The following JADE3 variants were observed in gnomAD, a reference collection of about 807,000 sequenced individuals.
The protein encoded by JADE3 is jade family PHD finger 3.
In JADE3, 2 loss-of-function variants were observed where a neutral mutation model predicts 50.1. The observed-to-expected ratio is 0.04, with a 90% CI of 0.02 to 0.13. The LOEUF (loss-of-function observed/expected upper bound fraction) is 0.13. JADE3 is among the 10% of genes least tolerant of loss of function. JADE3 has a pLI of 1.00. For synonymous variants in JADE3, 218 were observed against 232.9 expected, an observed-to-expected ratio of 0.94 and a Z score of 0.58; for missense variants, 475 against 634.4, an observed-to-expected ratio of 0.75 and a Z score of 2.70.
intron 8 of JADE3, among the ~76,000 whole-genome samples, chrX:47,051,487 T>C (rs1346983890): frequency 8.9e-6 from 1 of 112,299 alleles, no homozygotes; most frequent in Non-Finnish European, 1.9e-5. Flanking sequence ...ATAGATGCAC[T>C]CATGCATTTT....
chrX:46,993,874 T>A (rs1374385126), intron 3 of JADE3, among the ~76,000 whole-genome samples: 1 of 111,944 alleles, frequency 8.9e-6, no homozygotes, highest in African/African-American at 3.2e-5. Flanking sequence ...ACCTGACAAC[T>A]TTTTTTGCCT....
chrX:46,989,177 AT>A (rs1356689476), intron 3 of JADE3, among the ~76,000 whole-genome samples: 1 of 111,861 alleles, frequency 8.9e-6, no homozygotes, highest in Non-Finnish European at 1.9e-5. Flanking sequence ...TTTATGCCCT[AT>A]TTCTGATAGC....
At chrX:46,916,034 AG>A (rs1219526472) in intron 1 of JADE3, among the ~76,000 whole-genome samples, 6 of 111,943 alleles carry the variant, frequency 5.4e-5, no homozygotes, top group African/African-American at 1.9e-4. Context: ...AGGAAACCCA[AG>A]CCTAGAATGT....
chrX:46,980,748 C>G (rs1289432241), intron 1 of JADE3, among the ~76,000 whole-genome samples: 1 of 111,508 alleles, frequency 9.0e-6, no homozygotes, highest in Non-Finnish European at 1.9e-5. Context: ...TCATTTAAGT[C>G]TGTGATCCAT....
At chrX:47,021,359 T>C (rs782041601) in intron 4 of JADE3, among the ~76,000 whole-genome samples, 58 of 111,796 alleles carry the variant, frequency 5.2e-4, no homozygotes, top group African/African-American at 1.7e-3. Flanking sequence ...GCTCTTGATA[T>C]ATATTTGGGT....
chrX:47,037,589 A>G (rs1929162114), intron 7 of JADE3, among the ~76,000 whole-genome samples: 1 of 112,042 alleles, frequency 8.9e-6, no homozygotes, highest in Non-Finnish European at 1.9e-5. Flanking sequence ...GTTCAAGACC[A>G]GCCTGAGGTA....
intron 1 of JADE3, among the ~76,000 whole-genome samples, chrX:46,921,822 G>A (rs1412455003): frequency 9.1e-6 from 1 of 110,306 alleles, no homozygotes; most frequent in East Asian, 2.8e-4. Flanking sequence ...ACTTTTGAAA[G>A]GACACTTTTG....
At chrX:46,995,543 C>A (rs1928109759) in intron 3 of JADE3, among the ~76,000 whole-genome samples, 2 of 111,505 alleles carry the variant, frequency 1.8e-5, no homozygotes, top group Non-Finnish European at 3.8e-5. Flanking sequence ...AAAATATATA[C>A]AAATATGTAT....
chrX:46,977,690 C>T (rs1312483946), intron 1 of JADE3, among the ~76,000 whole-genome samples: 1 of 111,895 alleles, frequency 8.9e-6, no homozygotes, highest in Non-Finnish European at 1.9e-5. Flanking sequence ...TTCAAATGCA[C>T]ATGATTTATT....
chrX:46,985,360 A>G (rs992870581), intron 2 of JADE3, among the ~76,000 whole-genome samples: 1 of 112,305 alleles, frequency 8.9e-6, no homozygotes, highest in Non-Finnish European at 1.9e-5. Context: ...GGATACACAG[A>G]TTACTTGCTC....
At chrX:47,024,989 GT>G in intron 5 of JADE3, 75 bp downstream of exon 5, 1 of 509,391 alleles carries the variant, frequency 2.0e-6, no homozygotes, top group Non-Finnish European at 3.1e-6. Context: ...CCTTTAGCTT[GT>G]TTTTATTTTT....
intron 1 of JADE3, among the ~76,000 whole-genome samples, chrX:46,971,884 C>G (rs1289496389): frequency 9.1e-6 from 1 of 109,458 alleles, no homozygotes; most frequent in African/African-American, 3.3e-5. Flanking sequence ...TAGAGTTGAC[C>G]ACCGAGTGAG....
At chrX:47,003,711 A>T (rs1928343451) in intron 4 of JADE3, among the ~76,000 whole-genome samples, 1 of 100,296 alleles carries the variant, frequency 1.0e-5, no homozygotes, top group African/African-American at 3.6e-5. Context: ...TGTATATATA[A>T]AAATTACAAA....
chrX:47,005,881 T>C (rs1928402898), intron 4 of JADE3, among the ~76,000 whole-genome samples: 1 of 111,769 alleles, frequency 8.9e-6, no homozygotes, highest in Non-Finnish European at 1.9e-5. Flanking sequence ...CTAGGTCTTA[T>C]ACAACCACCT....
At chrX:47,057,174 C>T (rs1929647177) in intron 10 of JADE3, among the ~76,000 whole-genome samples, 1 of 111,544 alleles carries the variant, frequency 9.0e-6, no homozygotes. Context: ...GAGTCAACCT[C>T]ATTATGACTT....
intron 4 of JADE3, among the ~76,000 whole-genome samples, chrX:47,021,032 T>G (rs1022849219): frequency 1.0e-4 from 11 of 110,283 alleles, no homozygotes; most frequent in Non-Finnish European, 2.1e-4. Context: ...CAGGATCACT[T>G]GAGCCCAGGA....
chrX:46,998,009 T>TTC (rs1928172338), intron 3 of JADE3, 111 bp from the exon 4 acceptor site: 3 of 593,858 alleles, frequency 5.1e-6, no homozygotes, highest in African/African-American at 2.3e-5. Flanking sequence ...TTAGAGATGT[T>TTC]TCTCTTGTTG....
At chrX:46,989,426 G>C (rs1266280955) in intron 3 of JADE3, among the ~76,000 whole-genome samples, 1 of 111,512 alleles carries the variant, frequency 9.0e-6, no homozygotes, top group East Asian at 2.8e-4. Flanking sequence ...TTCATTTGAG[G>C]ATGTCTTGAT....
intron 1 of JADE3, among the ~76,000 whole-genome samples, chrX:46,922,511 C>T (rs1926244926): frequency 9.1e-6 from 1 of 109,739 alleles, no homozygotes. Context: ...TTGTTATTGC[C>T]CCACAGTTCT....
Sources: allele counts gnomAD v4.1 joint callset (sites outside exome capture counted in the v4.1 genomes callset), GRCh38; gene constraint gnomAD v4.1.1; transcripts MANE v1.5; gene names NCBI Gene and HGNC (gene_info 2026-07-23, HGNC 2026-07-21).